Variants in PDE3A observed in about 807,000 individuals in gnomAD.
PDE3A encodes cGMP-inhibited 3',5'-cyclic phosphodiesterase 3A.
Under a neutral mutation model 98.3 loss-of-function variants are expected in PDE3A, and 43 were observed. That is an observed-to-expected ratio of 0.44 (90% CI 0.34 to 0.56). The LOEUF (loss-of-function observed/expected upper bound fraction) is 0.56. Among genes scored for constraint, PDE3A ranks in the 20% least tolerant of loss-of-function variants. The pLI, the probability that PDE3A is intolerant of heterozygous loss-of-function variation, is 0.01. For synonymous variants in PDE3A, 663 were observed against 567.9 expected (o/e 1.17, Z -2.38); for missense variants, 1,427 against 1,440.7 (o/e 0.99, Z 0.15).
chr12:20,646,052 T>C (rs1944768380), intron 10 of PDE3A, among the ~76,000 whole-genome samples: 1 of 152,206 alleles, frequency 6.6e-6, no homozygotes, highest in Non-Finnish European at 1.5e-5. Flanking sequence ...TATTCCCAGA[T>C]TATTTTTGAG....
Position 20,403,066 on chromosome 12 carries a change from A to G in PDE3A, c.960+32822A>G, listed in dbSNP as rs563923956. ...CTCCTTAAGGAATGCCATCACATGAATTTTTATTGTTGCTGTTACATTGGT... is the reference window on the plus strand; with the variant it reads ...CTCCTTAAGGAATGCCATCACATGAGTTTTTATTGTTGCTGTTACATTGGT... On this transcript the variant is annotated intron_variant, in intron 1 of 15. Coordinates refer to ENST00000359062, the MANE Select transcript of PDE3A (RefSeq NM_000921.5). Among the ~76,000 whole-genome samples the G allele has an allele frequency of 2.1e-3, 325 of 152,318 alleles. 5 individuals carry two copies. In the South Asian group the frequency reaches 0.039, roughly 18 times the overall value.
At position 20,552,622 on chromosome 12, in the gene PDE3A, A is replaced by G; in HGVS notation, c.961-4038A>G. On this transcript the variant is annotated intron_variant, in intron 1 of 15. Transcript: ENST00000359062. This position sits in a 1 kb window ranked among gnomAD's most constrained non-coding sequence, Gnocchi z 5.1. ...GAGCAGGGCCGGGTCCCCGCGCCGGACATCCAAGAAAACCAAGGTGGAGCC... is the reference window on the plus strand; with the variant it reads ...GAGCAGGGCCGGGTCCCCGCGCCGGGCATCCAAGAAAACCAAGGTGGAGCC... 1 of 1,613,798 alleles carries G rather than the reference A, an allele frequency of 6.2e-7. No individual in the cohort carries two copies. The highest frequency in any genetic ancestry group is 1.1e-5 in the South Asian group (1 of 91,046).
intron 1 of PDE3A, among the ~76,000 whole-genome samples, chr12:20,517,435 A>G (rs1946343142): frequency 6.6e-6 from 1 of 152,170 alleles, no homozygotes; most frequent in Non-Finnish European, 1.5e-5. Flanking sequence ...GGTTATAAAA[A>G]TGTTGTGTGA....
rs1444471637 is a variant in PDE3A, at chr12:20,370,113, G to T, written c.829G>T (p.Ala277Ser). ...PREHLGSQLI[A>S]GTKEDIPVFK... The stretch of plus-strand genomic sequence containing the variant: ...GGAGCATTTGGGGTCCCAGCTGATT[G>T]CTGGGACCAAGGAAGATATCCCGGT... Residue 277 changes from alanine (A) to serine (S), a missense_variant, in exon 1 of 16, where the codon GCT becomes TCT. Physicochemically the swap from Ala to Ser is moderately conservative, Grantham distance 99. Coordinates refer to ENST00000359062, the MANE Select transcript of PDE3A (RefSeq NM_000921.5). The T allele has an allele frequency of 6.2e-7, 1 of 1,613,342 alleles. No homozygotes were observed. The highest frequency in any genetic ancestry group is 1.1e-5 in the South Asian group (1 of 91,064).
chr12:20,480,084 A>G (rs1305743133), intron 1 of PDE3A, among the ~76,000 whole-genome samples: 1 of 152,170 alleles, frequency 6.6e-6, no homozygotes, highest in Non-Finnish European at 1.5e-5. Flanking sequence ...CTGTCCATCA[A>G]GCTCTTGCTG....
chr12:20,587,085 C>G (rs1943216074), intron 2 of PDE3A, among the ~76,000 whole-genome samples: 1 of 152,034 alleles, frequency 6.6e-6, no homozygotes, highest in Non-Finnish European at 1.5e-5. Flanking sequence ...AATTAGTAGG[C>G]TCTGCTGGGC....
chr12:20,616,055 CAG>C (rs1417562561), intron 3 of PDE3A, among the ~76,000 whole-genome samples, 173 bp from the exon 4 acceptor site: 1 of 149,406 alleles, frequency 6.7e-6, no homozygotes, highest in Non-Finnish European at 1.5e-5. Context: ...TCATTTTGGC[CAG>C]AGAGTCTTTT....
chr12:20,405,159 T>C (rs533310572), intron 1 of PDE3A, among the ~76,000 whole-genome samples: 2 of 152,270 alleles, frequency 1.3e-5, no homozygotes, highest in Admixed American at 1.3e-4. Flanking sequence ...CTGCTTCTTA[T>C]TAATCCTTCT....
chr12:20,666,507 C>T (rs939575203), intron 15 of PDE3A, among the ~76,000 whole-genome samples: 8 of 150,720 alleles, frequency 5.3e-5, no homozygotes, highest in African/African-American at 2.0e-4. Context: ...TTCTAGCTCC[C>T]ACATAAGAGT....
chr12:20,682,057 AT>A lies in PDE3A; in HGVS notation c.*1787del, dbSNP rs1207451891. 2.6e-5 allele frequency: 4 copies of A among 152,252 alleles called. No homozygotes were observed. In the East Asian group the frequency reaches 7.7e-4, roughly 29 times the overall value. The allele number at this position is 152,252 out of a possible 1,614,324, so 9.4% of individuals were successfully genotyped here. A position where few individuals can be genotyped will look rare whatever the true frequency, so the allele number is the denominator to read the frequency against. The stretch of plus-strand genomic sequence containing the variant: ...CAATCATCTACCTTTTCTAATTTAA[AT>A]GATAATCTGATATAGTTTTATTGCC... On this transcript the variant is annotated 3_prime_UTR_variant, in exon 16 of 16. Transcript: ENST00000359062.
chr12:20,629,434 G>A (rs1944333135), intron 5 of PDE3A, among the ~76,000 whole-genome samples: 1 of 152,198 alleles, frequency 6.6e-6, no homozygotes, highest in Non-Finnish European at 1.5e-5. Context: ...TGCATCTTCT[G>A]TATTTACATA....
intron 2 of PDE3A, among the ~76,000 whole-genome samples, chr12:20,593,707 G>A (rs533275748): frequency 6.6e-6 from 1 of 152,286 alleles, no homozygotes; most frequent in East Asian, 1.9e-4. Flanking sequence ...GGAAATACAT[G>A]AGGAAAAGAT....
At chr12:20,486,345 T>C (rs1945727083) in intron 1 of PDE3A, among the ~76,000 whole-genome samples, 1 of 151,984 alleles carries the variant, frequency 6.6e-6, no homozygotes, top group Non-Finnish European at 1.5e-5. Flanking sequence ...CCATCAGATC[T>C]CTTGAGAACT....
At chr12:20,646,675 CAAAA>C in intron 11 of PDE3A, 72 bp downstream of exon 11, 1 of 1,422,636 alleles carries the variant, frequency 7.0e-7, no homozygotes, top group Admixed American at 1.8e-5. Flanking sequence ...TGTTTTTTTT[CAAAA>C]AGAAAGAAGT....
At chr12:20,370,583 C>T (rs746633344) in intron 1 of PDE3A, among the ~76,000 whole-genome samples, 4 of 152,022 alleles carry the variant, frequency 2.6e-5, no homozygotes, top group Non-Finnish European at 4.4e-5. Context: ...AGTACTCTTA[C>T]GCTTTCCTTC....
intron 2 of PDE3A, among the ~76,000 whole-genome samples, chr12:20,594,238 C>A (rs1213957630): frequency 1.3e-5 from 2 of 151,520 alleles, no homozygotes; most frequent in African/African-American, 4.9e-5. Flanking sequence ...GAGGAAAAAG[C>A]GAGGAGGAAA....
chr12:20,593,945 A>C (rs1248502498), intron 2 of PDE3A, among the ~76,000 whole-genome samples: 1 of 152,136 alleles, frequency 6.6e-6, no homozygotes, highest in East Asian at 1.9e-4. Flanking sequence ...TCAGGCTGGA[A>C]AAAAGCTAGG....
At chr12:20,432,202 G>A (rs1286875605) in intron 1 of PDE3A, among the ~76,000 whole-genome samples, 1 of 152,168 alleles carries the variant, frequency 6.6e-6, no homozygotes. Flanking sequence ...TCTTTTCAAT[G>A]ATGGAAAAGC....
intron 15 of PDE3A, among the ~76,000 whole-genome samples, chr12:20,677,609 G>A (rs545144588): frequency 2.0e-4 from 31 of 152,110 alleles, no homozygotes; most frequent in African/African-American, 6.0e-4. Context: ...ACAGGTGCCC[G>A]CCACCATGCC....
Sources: allele counts gnomAD v4.1 joint callset (sites outside exome capture counted in the v4.1 genomes callset), GRCh38; gene constraint gnomAD v4.1.1; non-coding constraint Gnocchi (gnomAD v3.1); transcripts MANE v1.5; gene names NCBI Gene and HGNC (gene_info 2026-07-23, HGNC 2026-07-21).